The following BRCA1 variants were observed in gnomAD, a reference collection of about 807,000 sequenced individuals.
BRCA1 encodes BRCA1 DNA repair associated, also known as breast cancer type 1 susceptibility protein.
Under a neutral mutation model 173.7 loss-of-function variants are expected in BRCA1, and 140 were observed. The observed-to-expected ratio is 0.81, with a 90% CI of 0.70 to 0.93. The LOEUF is 0.93. Among genes scored for constraint, BRCA1 ranks in the 40% least tolerant of loss-of-function variants. The pLI is 0.00. For synonymous variants in BRCA1, 662 were observed against 756.0 expected (o/e 0.88, Z 2.04); for missense variants, 1,983 against 2,172.5 (o/e 0.91, Z 1.73).
At chr17:43,127,066 C>G (rs1239472628), upstream of BRCA1, among the ~76,000 whole-genome samples, 1 of 152,220 alleles carries the variant, frequency 6.6e-6, no homozygotes, top group Non-Finnish European at 1.5e-5. Flanking sequence ...CAGGGCAAGG[C>G]TCAGGACCTG....
chr17:43,061,247 T>C (rs1211537200), intron 18 of BRCA1, among the ~76,000 whole-genome samples: 3 of 152,222 alleles, frequency 2.0e-5, no homozygotes. Flanking sequence ...TTATTTCTTG[T>C]TATTTAGGTC....
At chr17:43,146,240 A>C (rs1222677122) in intron 1 of BRCA1, among the ~76,000 whole-genome samples, 1 of 151,862 alleles carries the variant, frequency 6.6e-6, no homozygotes, top group Non-Finnish European at 1.5e-5. Flanking sequence ...TTAAGCTGGA[A>C]AGTCACTGGG....
chr17:43,127,608 T>G (rs1008835241), upstream of BRCA1, among the ~76,000 whole-genome samples: 1 of 152,210 alleles, frequency 6.6e-6, no homozygotes, highest in Non-Finnish European at 1.5e-5. Context: ...ATCAGCACTC[T>G]GTGTATATCT....
In BRCA1 at chr17:43,106,487, A is replaced by C. The variant is rs28897672; in HGVS notation, c.181T>G (p.Cys61Gly). Reference protein sequence around the residue: ...LLNQKKGPSQCPLCKNDITKR... With the variant: ...LLNQKKGPSQGPLCKNDITKR... ...GTTATATCATTCTTACATAAAGGAC[A>C]CTGTGAAGGCCCTTTCTTCTGGTTG... The change falls in exon 4 of 23, where the codon TGT becomes GGT. Residue 61 changes from cysteine to glycine, a missense_variant. Transcript: ENST00000357654. 1.9e-5 allele frequency: 30 copies of C among 1,604,818 alleles called. No homozygotes were observed. Among genetic ancestry groups the C allele is most frequent in the Non-Finnish European group, 2.4e-5 (28 of 1,172,588 alleles).
At chr17:43,068,226 G>A (rs1233799773) in intron 15 of BRCA1, among the ~76,000 whole-genome samples, 1 of 150,574 alleles carries the variant, frequency 6.6e-6, no homozygotes, top group Admixed American at 6.6e-5. Flanking sequence ...GCAGTAAGCC[G>A]AGATGGCGCC....
intron 1 of BRCA1, among the ~76,000 whole-genome samples, chr17:43,136,299 A>T (rs917473177): frequency 1.3e-5 from 2 of 152,168 alleles, no homozygotes; most frequent in African/African-American, 4.8e-5. Flanking sequence ...GTGGATTAAA[A>T]ACTTAAACAT....
chr17:43,145,251 C>T, intron 1 of BRCA1: 1 of 685,344 alleles, frequency 1.5e-6, no homozygotes, highest in South Asian at 1.4e-5. Context: ...GAAGCCAAGT[C>T]TGATGAATAC....
intron 2 of BRCA1, among the ~76,000 whole-genome samples, chr17:43,119,847 T>G (rs1360235080): frequency 1.3e-5 from 2 of 152,170 alleles, no homozygotes; most frequent in Non-Finnish European, 2.9e-5. Flanking sequence ...AATTATAATC[T>G]AAACTATATA....
intron 19 of BRCA1, among the ~76,000 whole-genome samples, chr17:43,056,809 C>T (rs886984652): frequency 2.6e-5 from 4 of 152,168 alleles, no homozygotes; most frequent in Non-Finnish European, 5.9e-5. Flanking sequence ...GATCTGAACC[C>T]GAGACGGGAA....
upstream of BRCA1, among the ~76,000 whole-genome samples, chr17:43,126,089 GC>G (rs1308684235): frequency 3.3e-5 from 5 of 152,180 alleles, no homozygotes; most frequent in African/African-American, 1.2e-4. Flanking sequence ...GGAGTCTGGG[GC>G]AAGTAGTCTT....
Position 43,090,928 on chromosome 17 carries a change from C to A in BRCA1, c.4185+16G>T, listed in dbSNP as rs774646943. The A allele has an allele frequency of 6.3e-7, 1 of 1,599,674 alleles. No homozygotes were observed. On this transcript the variant is annotated intron_variant, in intron 11 of 22. Coordinates refer to ENST00000357654, the MANE Select transcript of BRCA1 (RefSeq NM_007294.4). ...CACCACACACACGCATGTGCACACA[C>A]ACACACGCTTTTTACCTGAGTGGTT...
chr17:43,103,178 CT>C (rs1309485064), intron 6 of BRCA1, among the ~76,000 whole-genome samples: 4 of 151,986 alleles, frequency 2.6e-5, no homozygotes, highest in Admixed American at 2.6e-4. Flanking sequence ...TAAGAGCTCT[CT>C]TTTTTGGCCG....
rs1275383376 is a variant in BRCA1, at chr17:43,050,617, AG to A, written c.5332+445del. ...AACAGAGACTCGACCTCAAAAAAAA[AG>A]AAAAAAAAAAAGAAATGTTCACCGA... On this transcript the variant is annotated intron_variant, in intron 20 of 22. Coordinates refer to ENST00000357654, the MANE Select transcript of BRCA1 (RefSeq NM_007294.4). Among the ~76,000 whole-genome samples the A allele has an allele frequency of 3.0e-3, 220 of 74,234 alleles. 3 individuals are homozygous for A. Among genetic ancestry groups the A allele is most frequent in the African/African-American group, 7.8e-3 (195 of 24,886 alleles). The allele number at this position is 74,234 out of a possible 152,430, so 48.7% of individuals were successfully genotyped here.
At chr17:43,097,389 A>G in intron 7 of BRCA1, 100 bp from the exon 8 acceptor site, 1 of 1,003,692 alleles carries the variant, frequency 1.0e-6, no homozygotes, top group South Asian at 1.3e-5. Context: ...AACTAGAAAT[A>G]TTTACTGAGC....
Position 43,079,818 on chromosome 17 carries a change from T to TA in BRCA1, c.4357+2585dup, listed in dbSNP as rs897058193. 4.7e-4 allele frequency: 332 copies of TA among 710,364 alleles called. 1 individual carries two copies. The highest frequency in any genetic ancestry group is 1.4e-3 in the South Asian group (85 of 61,514). The allele number at this position is 710,364 out of a possible 1,614,324, so 44.0% of individuals were successfully genotyped here. On this transcript the variant is annotated intron_variant, in intron 12 of 22. Coordinates refer to ENST00000357654, the MANE Select transcript of BRCA1 (RefSeq NM_007294.4). ...AAAAAAAAAAAAGACCTTTGGACTG[T>TA]AAAAAAAAAGAAAAGTCATTCTATC...
At chr17:43,052,540 A>G (rs2051284110) in intron 19 of BRCA1, among the ~76,000 whole-genome samples, 1 of 152,164 alleles carries the variant, frequency 6.6e-6, no homozygotes, top group South Asian at 2.1e-4. Context: ...ATAGGTTCTT[A>G]GCAAATAACT....
chr17:43,134,191 A>T (rs1297758518), intron 1 of BRCA1, among the ~76,000 whole-genome samples: 1 of 152,134 alleles, frequency 6.6e-6, no homozygotes, highest in Non-Finnish European at 1.5e-5. Flanking sequence ...TTCCCCATCT[A>T]GAGCCTGCCT....
chr17:43,058,213 A>G (rs1037234748), intron 18 of BRCA1, among the ~76,000 whole-genome samples: 2 of 151,718 alleles, frequency 1.3e-5, no homozygotes, highest in African/African-American at 4.8e-5. Flanking sequence ...TAGAAAAAAG[A>G]TACATAAAAC....
At chr17:43,074,657 A>G (rs1330110678) in intron 13 of BRCA1, 136 bp from the exon 14 acceptor site, 4 of 794,166 alleles carry the variant, frequency 5.0e-6, no homozygotes, top group East Asian at 2.7e-5. Flanking sequence ...AAGAGCCCGC[A>G]AGACAGCCTA....
Sources: gnomAD v4.1 joint callset for allele counts (sites outside exome capture counted in the v4.1 genomes callset) on GRCh38, gnomAD v4.1.1 for gene constraint, MANE v1.5 for transcripts, NCBI Gene and HGNC (gene_info 2026-07-23, HGNC 2026-07-21) for gene names.